Variants in IFIT2 observed in about 807,000 individuals in gnomAD.
IFIT2 encodes the protein interferon-induced protein with tetratricopeptide repeats 2.
Under a neutral mutation model 2.5 loss-of-function variants are expected in IFIT2, and 3 were observed. The observed-to-expected ratio is 1.21, with a 90% confidence interval of 0.55 to 3.14. The LOEUF is 3.14. Ranked by LOEUF, IFIT2 falls within the 30% of genes most tolerant of loss-of-function variation. The probability of loss-of-function intolerance (pLI) is 0.03; values close to 1 mark genes in which losing one functional copy is unlikely to be tolerated. For missense variants in IFIT2, 493 were observed against 558.9 expected, an observed-to-expected ratio of 0.88 and a Z score of 1.19; for synonymous variants, 212 against 200.7, an observed-to-expected ratio of 1.06 and a Z score of -0.48.
In IFIT2 at chr10:89,307,248, AG is replaced by A; in HGVS notation, c.1294del (p.Ala432LeufsTer11). On this transcript the variant is annotated frameshift_variant, in exon 2 of 2. Transcript: ENST00000371826. LOFTEE classifies it low-confidence loss of function (END_TRUNC). Reference sequence around the variant, plus strand: ...CTTTCTAAAAATGGAGCAGATTCTGAGGCTTTGCATGTCTTGGCATTCCTTC... The same window carrying A: ...CTTTCTAAAAATGGAGCAGATTCTGAGCTTTGCATGTCTTGGCATTCCTTC... Reference protein sequence around the residue: ...MRLSKNGADSEALHVLAFLQE... With the variant: ...MRLSKNGADSXALHVLAFLQE... 2 of 1,614,096 alleles carry A rather than the reference AG, an allele frequency of 1.2e-6. No homozygotes were observed.
At position 89,306,332 on chromosome 10, in the gene IFIT2, A is replaced by C; in HGVS notation, c.376A>C (p.Lys126Gln). Residue 126 changes from lysine to glutamine, a missense_variant, in exon 2 of 2, where the codon AAG becomes CAG. Transcript: ENST00000371826. ...AGACAAGGTGAAACATGTCTGTGAGAAGTTTTCCAGTCCCTATAGAATTGA... is the reference window on the plus strand; with the variant it reads ...AGACAAGGTGAAACATGTCTGTGAGCAGTTTTCCAGTCCCTATAGAATTGA... ...YVDKVKHVCE[K>Q]FSSPYRIESP... 1 of 1,614,160 alleles carries C rather than the reference A, an allele frequency of 6.2e-7. No homozygotes were observed. The highest frequency in any genetic ancestry group is 8.5e-7 in the Non-Finnish European group (1 of 1,179,990).
In IFIT2 at chr10:89,306,646, T is replaced by C. The variant is rs775486872; in HGVS notation, c.690T>C (p.Gly230=). 6.2e-7 allele frequency: 1 copy of C among 1,613,888 alleles called. No individual in the cohort carries two copies. The highest frequency in any genetic ancestry group is 8.5e-7 in the Non-Finnish European group (1 of 1,179,924). The change falls in exon 2 of 2, where the codon GGT becomes GGC. Residue 230 remains glycine, a synonymous_variant. Transcript: ENST00000371826. The stretch of plus-strand genomic sequence containing the variant: ...TGCGTGAAGAAGGTGAAGAGGAAGG[T>C]GAAGGAGAGAAGTTAGTTGAAGAAG... ...HKMREEGEEE[G]EGEKLVEEAL...
rs1157974150 is a variant in IFIT2, at chr10:89,306,322, T to G, written c.366T>G (p.His122Gln). ...AGATTTATGTAGACAAGGTGAAACA[T>G]GTCTGTGAGAAGTTTTCCAGTCCCT... ...DVQIYVDKVK[H>Q]VCEKFSSPYR... The change falls in exon 2 of 2, where the codon CAT becomes CAG. Residue 122 changes from histidine (H) to glutamine (Q), a missense_variant. Coordinates refer to ENST00000371826, the MANE Select transcript of IFIT2 (RefSeq NM_001547.5). The G allele has an allele frequency of 3.2e-5, 52 of 1,614,130 alleles. No homozygotes were observed. Among genetic ancestry groups the G allele is most frequent in the Non-Finnish European group, 4.2e-5 (50 of 1,180,008 alleles).
chr10:89,307,497 T>C lies in IFIT2; in HGVS notation c.*122T>C. 2.6e-6 allele frequency: 2 copies of C among 782,050 alleles called. No individual in the cohort carries two copies. The highest frequency in any genetic ancestry group is 3.6e-5 in the South Asian group (2 of 55,740). The allele number at this position is 782,050 out of a possible 1,614,324, so 48.4% of individuals were successfully genotyped here. On this transcript the variant is annotated 3_prime_UTR_variant, in exon 2 of 2. Transcript: ENST00000371826. ...AAAGATTGGACTAAGACACTGGCCA[T>C]ACCACTGGACAGGGTTATGTTAACA...
chr10:89,307,482 C>A lies in IFIT2; in HGVS notation c.*107C>A. ...ATGACTGGTATGGCAAAAGATTGGACTAAGACACTGGCCATACCACTGGAC... is the reference window on the plus strand; with the variant it reads ...ATGACTGGTATGGCAAAAGATTGGAATAAGACACTGGCCATACCACTGGAC... On this transcript the variant is annotated 3_prime_UTR_variant, in exon 2 of 2. Coordinates refer to ENST00000371826, the MANE Select transcript of IFIT2 (RefSeq NM_001547.5). 2 of 894,542 alleles carry A rather than the reference C, an allele frequency of 2.2e-6. No individual in the cohort carries two copies. Among genetic ancestry groups the A allele is most frequent in the Non-Finnish European group, 3.4e-6 (2 of 585,474 alleles). The allele number at this position is 894,542 out of a possible 1,614,324, so 55.4% of individuals were successfully genotyped here. A position where few individuals can be genotyped will look rare whatever the true frequency, so the allele number is the denominator to read the frequency against.
At position 89,306,013 on chromosome 10, in the gene IFIT2, T is replaced by C; in HGVS notation, c.57T>C (p.His19=). ...LESSLRQLKC[H]FTWNLMEGEN... The stretch of plus-strand genomic sequence containing the variant: ...GCAGCCTACGGCAACTAAAATGCCA[T>C]TTCACCTGGAACTTGATGGAGGGAG... The change falls in exon 2 of 2, where the codon CAT becomes CAC. Residue 19 remains histidine (H), a synonymous_variant. Coordinates refer to ENST00000371826, the MANE Select transcript of IFIT2 (RefSeq NM_001547.5). The C allele has an allele frequency of 6.2e-7, 1 of 1,614,040 alleles. No individual in the cohort carries two copies. The highest frequency in any genetic ancestry group is 8.5e-7 in the Non-Finnish European group (1 of 1,179,928).
In IFIT2 at chr10:89,306,075, A is replaced by G. The variant is rs1241835586; in HGVS notation, c.119A>G (p.Tyr40Cys). 6.2e-7 allele frequency: 1 copy of G among 1,614,170 alleles called. No homozygotes were observed. Reference protein sequence around the residue: ...SLDDFEDKVFYRTEFQNREFK... With the variant: ...SLDDFEDKVFCRTEFQNREFK... ...GATGATTTTGAAGACAAAGTATTTT[A>G]CCGGACTGAGTTTCAGAATCGTGAA... Residue 40 changes from tyrosine to cysteine, a missense_variant, in exon 2 of 2, where the codon TAC becomes TGC. Coordinates refer to ENST00000371826, the MANE Select transcript of IFIT2 (RefSeq NM_001547.5).
chr10:89,306,183 A>T lies in IFIT2; in HGVS notation c.227A>T (p.Lys76Ile), dbSNP rs769119429. The T allele has an allele frequency of 6.2e-7, 1 of 1,614,186 alleles. No individual in the cohort carries two copies. Among genetic ancestry groups the T allele is most frequent in the Non-Finnish European group, 8.5e-7 (1 of 1,180,006 alleles). The change falls in exon 2 of 2, where the codon AAA (lysine) becomes ATA (isoleucine). Residue 76 changes from lysine (K) to isoleucine (I), a missense_variant. Coordinates refer to ENST00000371826, the MANE Select transcript of IFIT2 (RefSeq NM_001547.5). ...QNEAALECLRKAEELIQQEHA... is the reference protein window; with the variant it reads ...QNEAALECLRIAEELIQQEHA... ...GAGGCAGCCCTGGAATGCTTACGTA[A>T]AGCTGAAGAGTTAATCCAGCAAGAG...
intron 1 of IFIT2, 86 bp from the exon 2 acceptor site, chr10:89,305,873 TAGG>T: frequency 1.1e-6 from 1 of 870,896 alleles, no homozygotes; most frequent in Non-Finnish European, 1.8e-6. Flanking sequence ...TAACAGCCTT[TAGG>T]AGGAGGAGCA....
rs762868227 is a variant in IFIT2, at chr10:89,306,676, G to A, written c.720G>A (p.Leu240=). Residue 240 remains leucine (L), a synonymous_variant, in exon 2 of 2, where the codon TTG becomes TTA. Coordinates refer to ENST00000371826, the MANE Select transcript of IFIT2 (RefSeq NM_001547.5). ...GAGAGAAGTTAGTTGAAGAAGCCTT[G>A]GAGAAAGCCCCAGGTGTAACAGATG... ...GEGEKLVEEA[L]EKAPGVTDVL... 2 of 1,614,096 alleles carry A rather than the reference G, an allele frequency of 1.2e-6. No homozygotes were observed. Among genetic ancestry groups the A allele is most frequent in the South Asian group, 2.2e-5 (2 of 91,068 alleles).
At position 89,307,083 on chromosome 10, in the gene IFIT2, G is replaced by C. The variant is rs199839737; in HGVS notation, c.1127G>C (p.Arg376Pro). Residue 376 changes from arginine to proline, a missense_variant, in exon 2 of 2, where the codon CGG becomes CCG. Transcript: ENST00000371826. ...TPVAKQLLHLRYGNFQLYQMK... is the reference protein window; with the variant it reads ...TPVAKQLLHLPYGNFQLYQMK... ...GTAGCGAAACAACTGCTCCATCTGC[G>C]GTATGGCAACTTTCAGCTGTACCAA... The C allele has an allele frequency of 5.6e-6, 9 of 1,613,938 alleles. No individual in the cohort carries two copies. The East Asian group carries it at 2.0e-4, about 36-fold the overall frequency.
rs777114741 is a variant in IFIT2 at position 89,306,301 on chromosome 10, T to A, written c.345T>A (p.Ile115=). 1 of 1,614,092 alleles carries A rather than the reference T, an allele frequency of 6.2e-7. No homozygotes were observed. Among genetic ancestry groups the A allele is most frequent in the South Asian group, 1.1e-5 (1 of 91,070 alleles). ...YHMGRLSDVQ[I]YVDKVKHVCE... Reference sequence around the variant, plus strand: ...TGGGCCGACTCTCAGACGTTCAGATTTATGTAGACAAGGTGAAACATGTCT... The same window carrying A: ...TGGGCCGACTCTCAGACGTTCAGATATATGTAGACAAGGTGAAACATGTCT... Residue 115 remains isoleucine (I), a synonymous_variant, in exon 2 of 2, where the codon ATT becomes ATA. Transcript: ENST00000371826.
Position 89,306,832 on chromosome 10 carries a change from G to T in IFIT2, c.876G>T (p.Arg292Ser). ...YLHCQIGCCY[R>S]AKVFQVMNLR... ...ATTGCCAAATTGGGTGCTGCTATAGGGCAAAAGTCTTCCAAGTAATGAATC... is the reference window on the plus strand; with the variant it reads ...ATTGCCAAATTGGGTGCTGCTATAGTGCAAAAGTCTTCCAAGTAATGAATC... The change falls in exon 2 of 2, where the codon AGG (arginine) becomes AGT (serine). Residue 292 changes from arginine (R) to serine (S), a missense_variant. Transcript: ENST00000371826. 1 of 1,614,038 alleles carries T rather than the reference G, an allele frequency of 6.2e-7. No individual in the cohort carries two copies. Among genetic ancestry groups the T allele is most frequent in the South Asian group, 1.1e-5 (1 of 91,064 alleles).
chr10:89,302,475 AC>A (rs1286017099), intron 1 of IFIT2, among the ~76,000 whole-genome samples: 6 of 152,058 alleles, frequency 3.9e-5, no homozygotes, highest in Non-Finnish European at 8.8e-5. Flanking sequence ...TTGTGCACTG[AC>A]CCTGTCTTAT....
At position 89,307,691 on chromosome 10, in the gene IFIT2, G is replaced by T; in HGVS notation, c.*316G>T. On this transcript the variant is annotated 3_prime_UTR_variant, in exon 2 of 2. Coordinates refer to ENST00000371826, the MANE Select transcript of IFIT2 (RefSeq NM_001547.5). Reference sequence around the variant, plus strand: ...TTTAGTGGAGTAATCTACTGGGCTTGTTTCTATATTTATATAAAGCAGCCA... The same window carrying T: ...TTTAGTGGAGTAATCTACTGGGCTTTTTTCTATATTTATATAAAGCAGCCA... 1 of 230,286 alleles carries T rather than the reference G, an allele frequency of 4.3e-6. No homozygotes were observed. Among genetic ancestry groups the T allele is most frequent in the South Asian group, 9.5e-5 (1 of 10,508 alleles). The allele number at this position is 230,286 out of a possible 1,614,324, so 14.3% of individuals were successfully genotyped here. A position where few individuals can be genotyped will look rare whatever the true frequency, so the allele number is the denominator to read the frequency against.
In IFIT2 at chr10:89,305,811, A is replaced by G; in HGVS notation, c.6-151A>G. 3 of 631,248 alleles carry G rather than the reference A, an allele frequency of 4.8e-6. No individual in the cohort carries two copies. In the South Asian group the frequency reaches 6.1e-5, roughly 13 times the overall value. 39.1% of individuals were successfully genotyped at this position (631,248 alleles called of 1,614,324 possible). A position where few individuals can be genotyped will look rare whatever the true frequency, so the allele number is the denominator to read the frequency against. On this transcript the variant is annotated intron_variant, in intron 1 of 1. Transcript: ENST00000371826. ...GCTACCACATGCAGGAATTAACAAT[A>G]AGGAAAAACATATTATAGAAAGAAA...
chr10:89,303,025 G>T (rs371325628), intron 1 of IFIT2, among the ~76,000 whole-genome samples: 5 of 144,064 alleles, frequency 3.5e-5, no homozygotes, highest in African/African-American at 1.3e-4. Context: ...AAAAAAAAAA[G>T]ATTTGAGATA....
chr10:89,307,290 A>C lies in IFIT2; in HGVS notation c.1334A>C (p.Lys445Thr), dbSNP rs138979563. The stretch of plus-strand genomic sequence containing the variant: ...GCATTCCTTCAGGAGCTGAATGAAA[A>C]AATGCAACAAGCAGATGAAGACTCT... ...VLAFLQELNE[K>T]MQQADEDSER... The change falls in exon 2 of 2, where the codon AAA becomes ACA. Residue 445 changes from lysine to threonine, a missense_variant. Coordinates refer to ENST00000371826, the MANE Select transcript of IFIT2 (RefSeq NM_001547.5). The C allele has an allele frequency of 1.9e-6, 3 of 1,613,952 alleles. No homozygotes were observed. The highest frequency in any genetic ancestry group is 1.3e-5 in the African/African-American group (1 of 75,020).
Position 89,306,321 on chromosome 10 carries a change from A to G in IFIT2, c.365A>G (p.His122Arg), listed in dbSNP as rs766461891. The G allele has an allele frequency of 1.2e-6, 2 of 1,614,098 alleles. No homozygotes were observed. Among genetic ancestry groups the G allele is most frequent in the Non-Finnish European group, 8.5e-7 (1 of 1,179,946 alleles). ...DVQIYVDKVK[H>R]VCEKFSSPYR... ...CAGATTTATGTAGACAAGGTGAAAC[A>G]TGTCTGTGAGAAGTTTTCCAGTCCC... Residue 122 changes from histidine (H) to arginine (R), a missense_variant, in exon 2 of 2, where the codon CAT becomes CGT. Coordinates refer to ENST00000371826, the MANE Select transcript of IFIT2 (RefSeq NM_001547.5).
Sources: allele counts gnomAD v4.1 joint callset (sites outside exome capture counted in the v4.1 genomes callset), GRCh38; gene constraint gnomAD v4.1.1; transcripts MANE v1.5; gene names NCBI Gene and HGNC (gene_info 2026-07-23, HGNC 2026-07-21).